Variants in MSS51 observed in about 807,000 individuals in gnomAD.
MSS51 encodes the protein MSS51 mitochondrial translational activator, also known as putative protein MSS51 homolog, mitochondrial.
A neutral mutation model predicts 40.2 loss-of-function variants in MSS51; 32 were observed. The observed-to-expected ratio is 0.80, with a 90% confidence interval of 0.60 to 1.07. The LOEUF (loss-of-function observed/expected upper bound fraction) is 1.07. MSS51 is among the 50% of genes least tolerant of loss of function. The probability of loss-of-function intolerance (pLI) is 0.00; values close to 1 mark genes in which losing one functional copy is unlikely to be tolerated. For synonymous variants in MSS51, 178 were observed against 214.2 expected (o/e 0.83, Z 1.48); for missense variants, 518 against 568.9 (o/e 0.91, Z 0.91).
intron 1 of MSS51, among the ~76,000 whole-genome samples, chr10:73,432,269 C>G (rs977006618): frequency 5.9e-5 from 9 of 152,236 alleles, no homozygotes; most frequent in African/African-American, 2.2e-4. Flanking sequence ...GAACTCCTGA[C>G]CTCGTGATCC....
intron 3 of MSS51, among the ~76,000 whole-genome samples, 164 bp from the exon 4 acceptor site, chr10:73,426,895 G>A (rs1194791559): frequency 6.6e-6 from 1 of 152,190 alleles, no homozygotes; most frequent in African/African-American, 2.4e-5. Flanking sequence ...TGGCAGACAA[G>A]GCAGGAGGGA....
intron 5 of MSS51, among the ~76,000 whole-genome samples, chr10:73,425,394 G>A (rs531385741): frequency 6.6e-6 from 1 of 152,222 alleles, no homozygotes; most frequent in East Asian, 1.9e-4. Flanking sequence ...TTGTCATCAG[G>A]CTGGGCGCGG....
In MSS51 at chr10:73,424,463, T is replaced by C; in HGVS notation, c.*90A>G. The C allele has an allele frequency of 1.0e-6, 1 of 976,540 alleles. No individual in the cohort carries two copies. Among genetic ancestry groups the C allele is most frequent in the Non-Finnish European group, 1.6e-6 (1 of 613,724 alleles). 60.5% of individuals were successfully genotyped at this position (976,540 alleles called of 1,614,324 possible). A position where few individuals can be genotyped will look rare whatever the true frequency, so the allele number is the denominator to read the frequency against. On this transcript the variant is annotated 3_prime_UTR_variant, in exon 7 of 7. Coordinates refer to ENST00000299432, the MANE Select transcript of MSS51 (RefSeq NM_001024593.2). ...CAAACAGTAAATGAGGTTTAGAATA[T>C]AATGTTTTTCAAAGTTTGCAAGAAC...
chr10:73,424,444 G>T lies in MSS51; in HGVS notation c.*109C>A. The T allele has an allele frequency of 1.2e-6, 1 of 838,890 alleles. No individual in the cohort carries two copies. Among genetic ancestry groups the T allele is most frequent in the Non-Finnish European group, 2.0e-6 (1 of 508,640 alleles). 52.0% of individuals were successfully genotyped at this position (838,890 alleles called of 1,614,324 possible). A position where few individuals can be genotyped will look rare whatever the true frequency, so the allele number is the denominator to read the frequency against. ...TCAGCTTAGAATTTTTACCCAAACA[G>T]TAAATGAGGTTTAGAATATAATGTT... On this transcript the variant is annotated 3_prime_UTR_variant, in exon 7 of 7. Coordinates refer to ENST00000299432, the MANE Select transcript of MSS51 (RefSeq NM_001024593.2).
In MSS51 at chr10:73,425,131, T is replaced by A; in HGVS notation, c.1130A>T (p.Asp377Val). 1 of 1,611,280 alleles carries A rather than the reference T, an allele frequency of 6.2e-7. No homozygotes were observed. Among genetic ancestry groups the A allele is most frequent in the Non-Finnish European group, 8.5e-7 (1 of 1,179,188 alleles). The change falls in exon 6 of 7, where the codon GAC (aspartate) becomes GTC (valine). Residue 377 changes from aspartate (D) to valine (V), a missense_variant. Coordinates refer to ENST00000299432, the MANE Select transcript of MSS51 (RefSeq NM_001024593.2). ...AWLPTLLLLRDYKIPTLITVY... is the reference protein window; with the variant it reads ...AWLPTLLLLRVYKIPTLITVY... ...AGTAATCAATGTAGGAATCTTATAG[T>A]CACGAAGTAGCAGCAGGGTGGGCAG...
chr10:73,425,743 A>G (rs1335443993), intron 5 of MSS51, 68 bp downstream of exon 5: 1 of 1,401,874 alleles, frequency 7.1e-7, no homozygotes, highest in Non-Finnish European at 9.8e-7. Context: ...GGTTCCAAAG[A>G]CAGAAGATTC....
At chr10:73,429,529 C>T (rs2056012914) in intron 1 of MSS51, 2 of 436,544 alleles carry the variant, frequency 4.6e-6, no homozygotes, top group African/African-American at 2.0e-5. Flanking sequence ...AAATGTAATA[C>T]AAAACGTGCA....
Position 73,424,297 on chromosome 10 carries a change from A to C in MSS51, c.*256T>G, listed in dbSNP as rs2132719340. On this transcript the variant is annotated 3_prime_UTR_variant, in exon 7 of 7. Transcript: ENST00000299432. ...GAGGCTGAGGCAGGAGAACCACTTG[A>C]ACCCAGGAGGCGGAGGCTGCAGTGA... 2.5e-6 allele frequency: 1 copy of C among 397,936 alleles called. No individual in the cohort carries two copies. The highest frequency in any genetic ancestry group is 2.0e-5 in the African/African-American group (1 of 49,180). The allele number at this position is 397,936 out of a possible 1,614,324, so 24.7% of individuals were successfully genotyped here.
intron 1 of MSS51, among the ~76,000 whole-genome samples, chr10:73,430,607 A>AC (rs1289878418): frequency 1.1e-4 from 16 of 152,202 alleles, no homozygotes; most frequent in African/African-American, 3.6e-4. Flanking sequence ...TAAAAAAAAA[A>AC]AACAGAAAAT....
chr10:73,425,697 G>A (rs2055978958), intron 5 of MSS51, 114 bp downstream of exon 5: 1 of 668,794 alleles, frequency 1.5e-6, no homozygotes, highest in Non-Finnish European at 2.4e-6. Flanking sequence ...AAGAAAAGTT[G>A]TCATCATATT....
intron 6 of MSS51, 145 bp downstream of exon 6, chr10:73,424,953 T>C: frequency 1.2e-6 from 1 of 802,410 alleles, no homozygotes; most frequent in Non-Finnish European, 2.1e-6. Flanking sequence ...AGCAAAGGAC[T>C]GTTCCAAGGG....
chr10:73,428,591 T>G lies in MSS51; in HGVS notation c.-17-290A>C, dbSNP rs141041738. Among the ~76,000 whole-genome samples, 183 of 152,166 alleles carry G rather than the reference T, an allele frequency of 1.2e-3. No homozygotes were observed. In the East Asian group the frequency reaches 0.018, roughly 15 times the overall value. ...CACTCCACCTCCTAGGTTCAAGCGA[T>G]TCTCCTGCCTCAGCCTCCCGAGTAG... is the stretch of plus-strand genomic sequence containing the variant. On this transcript the variant is annotated intron_variant, in intron 1 of 6. Transcript: ENST00000299432.
rs7918817 is a variant in MSS51 at position 73,425,085 on chromosome 10, A to T, written c.1163+13T>A. Reference sequence around the variant, plus strand: ...AAGTCAGGGAAGTATCACAAATAGGATGAGGTCAAAACCTGTAAACAGTAA... The same window carrying T: ...AAGTCAGGGAAGTATCACAAATAGGTTGAGGTCAAAACCTGTAAACAGTAA... On this transcript the variant is annotated intron_variant, in intron 6 of 6. Coordinates refer to ENST00000299432, the MANE Select transcript of MSS51 (RefSeq NM_001024593.2). 18,580 of 1,595,106 alleles carry T rather than the reference A, an allele frequency of 0.012. 1,007 individuals are homozygous for T. The African/African-American group carries it at 0.16, about 13-fold the overall frequency.
rs566326661 is a variant in MSS51 at position 73,426,326 on chromosome 10, T to G, written c.554A>C (p.Gln185Pro). 1 of 1,604,402 alleles carries G rather than the reference T, an allele frequency of 6.2e-7. No homozygotes were observed. The highest frequency in any genetic ancestry group is 1.1e-5 in the South Asian group (1 of 91,086). Residue 185 changes from glutamine to proline, a missense_variant, in exon 5 of 7, where the codon CAG becomes CCG. By Grantham distance (76) the Gln-to-Pro change is moderately conservative (BLOSUM62 -1). Transcript: ENST00000299432. ...CATAGAAAACCAGGAGTCCCAGTCC[T>G]GTACAGCTTCAGGTGGCCATGGCCA... ...GPWPWPPEAV[Q>P]DWDSWFSMKG...
chr10:73,425,081 T>C lies in MSS51; in HGVS notation c.1163+17A>G, dbSNP rs911982352. On this transcript the variant is annotated intron_variant, in intron 6 of 6. Coordinates refer to ENST00000299432, the MANE Select transcript of MSS51 (RefSeq NM_001024593.2). ...TGTAAAGTCAGGGAAGTATCACAAA[T>C]AGGATGAGGTCAAAACCTGTAAACA... is the stretch of plus-strand genomic sequence containing the variant. 18 of 1,586,684 alleles carry C rather than the reference T, an allele frequency of 1.1e-5. No individual in the cohort carries two copies. The Admixed American group carries it at 2.3e-4, about 21-fold the overall frequency.
At position 73,428,268 on chromosome 10, in the gene MSS51, C is replaced by T. The variant is rs150596930; in HGVS notation, c.17G>A (p.Arg6Gln). ...GGGAGGTTTCTTGTGCCTTCGTCGCCGGGACCGTGGAGCCATGGCCTGTCC... is the reference window on the plus strand; with the variant it reads ...GGGAGGTTTCTTGTGCCTTCGTCGCTGGGACCGTGGAGCCATGGCCTGTCC... Reference protein sequence around the residue: MAPRSRRRRHKKPPSS... With the variant: MAPRSQRRRHKKPPSS... Residue 6 changes from arginine to glutamine, a missense_variant, in exon 2 of 7, where the codon CGG (arginine) becomes CAG (glutamine). Transcript: ENST00000299432. 4.6e-4 allele frequency: 735 copies of T among 1,612,368 alleles called. 3 individuals are homozygous for T. The highest frequency in any genetic ancestry group is 1.3e-3 in the African/African-American group (97 of 74,958).
At chr10:73,424,811 T>C (rs1394558625) in intron 6 of MSS51, 39 bp from the exon 7 acceptor site, 2 of 1,535,258 alleles carry the variant, frequency 1.3e-6, no homozygotes, top group Non-Finnish European at 1.8e-6. Flanking sequence ...CTACTGATTG[T>C]GACAGAGATA....
chr10:73,432,375 T>C (rs1049309510), intron 1 of MSS51, among the ~76,000 whole-genome samples: 1 of 152,164 alleles, frequency 6.6e-6, no homozygotes, highest in Admixed American at 6.5e-5. Context: ...AATGACTTTT[T>C]TTTTTTTAAA....
Position 73,426,085 on chromosome 10 carries a change from C to T in MSS51, c.795G>A (p.Val265=). 6.2e-7 allele frequency: 1 copy of T among 1,614,226 alleles called. No individual in the cohort carries two copies. Among genetic ancestry groups the T allele is most frequent in the Non-Finnish European group, 8.5e-7 (1 of 1,180,044 alleles). The change falls in exon 5 of 7, where the codon GTG becomes GTA. Residue 265 remains valine, a synonymous_variant. Coordinates refer to ENST00000299432, the MANE Select transcript of MSS51 (RefSeq NM_001024593.2). ...IDVRRTGGST[V]HVVGASHVET... is the part of the protein sequence containing the mutation. ...CCACATGGGAAGCACCAACCACATG[C>T]ACTGTGCTTCCCCCAGTCCTCCTAA...
Sources: allele counts gnomAD v4.1 joint callset (sites outside exome capture counted in the v4.1 genomes callset), GRCh38; gene constraint gnomAD v4.1.1; transcripts MANE v1.5; gene names NCBI Gene and HGNC (gene_info 2026-07-23, HGNC 2026-07-21).